TAF5L: variants seen among roughly 807,000 people sequenced by gnomAD.
TAF5L encodes TATA-box binding protein associated factor 5 like, also known as TAF5-like RNA polymerase II p300/CBP-associated factor-associated factor 65 kDa subunit 5L.
In TAF5L, 7 loss-of-function variants were observed where a neutral mutation model predicts 51.3. The observed-to-expected ratio is 0.14, with a 90% CI of 0.08 to 0.26. The LOEUF (loss-of-function observed/expected upper bound fraction) is 0.26. Among genes scored for constraint, TAF5L ranks in the 10% least tolerant of loss-of-function variants. The pLI is 1.00. For missense variants in TAF5L, 575 were observed against 758.9 expected, an observed-to-expected ratio of 0.76 and a Z score of 2.85; for synonymous variants, 291 against 308.1, an observed-to-expected ratio of 0.94 and a Z score of 0.58.
intron 4 of TAF5L, chr1:229,599,273 CTGT>C (rs1221968213): frequency 4.0e-6 from 3 of 755,366 alleles, no homozygotes; most frequent in Non-Finnish European, 4.7e-6. Flanking sequence ...TACTGTTATC[CTGT>C]TTTTTTTTTT....
intron 2 of TAF5L, among the ~76,000 whole-genome samples, chr1:229,611,643 A>C (rs1664795416): frequency 6.6e-6 from 1 of 152,004 alleles, no homozygotes; most frequent in Non-Finnish European, 1.5e-5. Flanking sequence ...CAGATTCCTA[A>C]AATATATCCT....
intron 1 of TAF5L, among the ~76,000 whole-genome samples, chr1:229,619,861 A>T (rs1034364670): frequency 6.6e-6 from 1 of 151,950 alleles, no homozygotes; most frequent in African/African-American, 2.4e-5. Context: ...ACTGTCTGCC[A>T]CTGCTTCTTC....
chr1:229,601,068 T>C (rs892001056), intron 4 of TAF5L: 212 of 982,954 alleles, frequency 2.2e-4, no homozygotes, highest in Non-Finnish European at 2.4e-4. Flanking sequence ...GAGAGTACTA[T>C]AAAATTCTAG....
At chr1:229,612,035 C>A (rs557206979) in intron 2 of TAF5L, among the ~76,000 whole-genome samples, 1 of 152,202 alleles carries the variant, frequency 6.6e-6, no homozygotes, top group Non-Finnish European at 1.5e-5. Context: ...ACTGACTTAC[C>A]TGCCTCACTT....
At chr1:229,600,253 G>A (rs1230501440) in intron 4 of TAF5L, 22 of 985,156 alleles carry the variant, frequency 2.2e-5, no homozygotes, top group Admixed American at 1.8e-4. Context: ...TAAAATGGGC[G>A]GGCATGCAGG....
chr1:229,615,992 T>C (rs1664986707), intron 1 of TAF5L, among the ~76,000 whole-genome samples: 1 of 152,136 alleles, frequency 6.6e-6, no homozygotes, highest in South Asian at 2.1e-4. Context: ...GTATTTTCCT[T>C]TGAGAGTTCT....
chr1:229,604,665 A>C (rs1664515511), intron 3 of TAF5L, among the ~76,000 whole-genome samples: 1 of 151,988 alleles, frequency 6.6e-6, no homozygotes, highest in Admixed American at 6.6e-5. Context: ...AATGGCCCAC[A>C]CCCCTGAAGA....
chr1:229,622,375 T>G (rs1665243335), intron 1 of TAF5L, among the ~76,000 whole-genome samples: 1 of 152,068 alleles, frequency 6.6e-6, no homozygotes, highest in East Asian at 1.9e-4. Flanking sequence ...AACATGAGAC[T>G]TTTGGGGGAA....
rs541309149 is a variant in TAF5L at position 229,614,609 on chromosome 1, C to T, written c.-3-124G>A. 3.6e-5 allele frequency: 46 copies of T among 1,264,508 alleles called. No individual in the cohort carries two copies. In the Admixed American group the frequency reaches 7.3e-4, roughly 20 times the overall value. 78.3% of individuals were successfully genotyped at this position (1,264,508 alleles called of 1,614,324 possible). ...AAAGACCAGCCATGTGGCTAAGTGG[C>T]CTAGTTAAGACGCAAATCTAAGTTC... is the stretch of plus-strand genomic sequence containing the variant. On this transcript the variant is annotated intron_variant, in intron 1 of 4. Transcript: ENST00000258281.
chr1:229,594,575 C>T lies in TAF5L; in HGVS notation c.1492G>A (p.Ala498Thr), dbSNP rs1664046617. ...AACTCTTTATAAAGGGTCCCAGAGG[C>T]CAAGTCCCACAGCTTCAACCGCTGG... Residue 498 changes from alanine to threonine, a missense_variant, in exon 5 of 5, where the codon GCC becomes ACC. Around this residue, in one of 3 missense-constraint regions of TAF5L, gnomAD observed 104 missense variants for 218.3 expected, o/e 0.48. Transcript: ENST00000258281. The surrounding 1 kb of genome is among the most constrained non-coding windows in gnomAD (Gnocchi z 7.9). The T allele has an allele frequency of 6.8e-6, 11 of 1,614,204 alleles. No homozygotes were observed. Among genetic ancestry groups the T allele is most frequent in the Non-Finnish European group, 9.3e-6 (11 of 1,180,032 alleles).
At chr1:229,595,299 TA>T (rs749319452) in intron 4 of TAF5L, among the ~76,000 whole-genome samples, 15 of 152,230 alleles carry the variant, frequency 9.9e-5, no homozygotes, top group Admixed American at 7.2e-4. Flanking sequence ...TCTTACGACT[TA>T]CAAATTGCTC....
intron 4 of TAF5L, chr1:229,601,368 A>T (rs905393729): frequency 2.9e-5 from 29 of 985,328 alleles, no homozygotes; most frequent in Non-Finnish European, 3.5e-5. Context: ...CCTGAATTTC[A>T]GTGGTGATAA....
At chr1:229,622,041 C>T (rs1424282938) in intron 1 of TAF5L, among the ~76,000 whole-genome samples, 7 of 147,026 alleles carry the variant, frequency 4.8e-5, no homozygotes, top group Non-Finnish European at 1.0e-4. Flanking sequence ...ATCTATCTAT[C>T]TATCTATCTA....
At chr1:229,600,738 G>A (rs913710362) in intron 4 of TAF5L, 13 of 985,248 alleles carry the variant, frequency 1.3e-5, no homozygotes, top group Non-Finnish European at 9.6e-6. Context: ...TCTGATACCC[G>A]GAAATAAACA....
intron 3 of TAF5L, chr1:229,606,534 T>C: frequency 2.0e-6 from 2 of 985,374 alleles, no homozygotes; most frequent in Non-Finnish European, 2.4e-6. Context: ...TCGGTCCTCA[T>C]TCTCCTCTAC....
At position 229,594,366 on chromosome 1, in the gene TAF5L, C is replaced by A; in HGVS notation, c.1701G>T (p.Leu567=). Residue 567 remains leucine (L), a synonymous_variant, in exon 5 of 5, where the codon CTG becomes CTT. Transcript: ENST00000258281. This position sits in a 1 kb window ranked among gnomAD's most constrained non-coding sequence, Gnocchi z 7.9. ...GGTTACAGGCCATGAACTGCACGCTCAGGACGTTGCTCATCTGCCCGGTGT... is the reference window on the plus strand; with the variant it reads ...GGTTACAGGCCATGAACTGCACGCTAAGGACGTTGCTCATCTGCCCGGTGT... 1 of 1,614,158 alleles carries A rather than the reference C, an allele frequency of 6.2e-7. No homozygotes were observed. The highest frequency in any genetic ancestry group is 1.1e-5 in the South Asian group (1 of 91,078).
chr1:229,615,173 T>C (rs2120781), intron 1 of TAF5L, among the ~76,000 whole-genome samples: 66,379 of 151,976 alleles, frequency 0.44, 15,024 homozygotes, highest in East Asian at 0.74. Flanking sequence ...CTGCAAGCTC[T>C]GCCTCCTGGG....
chr1:229,622,294 T>C (rs1451895139), intron 1 of TAF5L, among the ~76,000 whole-genome samples: 2 of 152,200 alleles, frequency 1.3e-5, no homozygotes, highest in African/African-American at 2.4e-5. Context: ...CAGCCCATTA[T>C]GTCCTTCCCA....
chr1:229,622,783 A>G (rs756083161), intron 1 of TAF5L, among the ~76,000 whole-genome samples: 13 of 152,040 alleles, frequency 8.6e-5, no homozygotes, highest in Non-Finnish European at 1.9e-4. Flanking sequence ...AGTTAAAAAA[A>G]AAATTTTTTT....
Sources: gnomAD v4.1 joint callset for allele counts (sites outside exome capture counted in the v4.1 genomes callset) on GRCh38, gnomAD v4.1.1 for gene constraint, gnomAD v4.1.1 regional missense constraint, Gnocchi (gnomAD v3.1) non-coding constraint, MANE v1.5 for transcripts, NCBI Gene and HGNC (gene_info 2026-07-23, HGNC 2026-07-21) for gene names.